TIAM2: variants seen among roughly 807,000 people sequenced by gnomAD.
TIAM2 encodes the protein rho guanine nucleotide exchange factor TIAM2.
TIAM2 carries 80 observed loss-of-function variants against 152.9 expected under a neutral mutation model. That is an observed-to-expected ratio of 0.52 (90% confidence interval 0.44 to 0.63). TIAM2 has a LOEUF of 0.63. TIAM2 is among the 30% of genes least tolerant of loss of function. The probability of loss-of-function intolerance (pLI) is 0.00; values close to 1 mark genes in which losing one functional copy is unlikely to be tolerated. For synonymous variants in TIAM2, 804 were observed against 838.0 expected, an observed-to-expected ratio of 0.96 and a Z score of 0.70; for missense variants, 1,965 against 2,120.1, an observed-to-expected ratio of 0.93 and a Z score of 1.44.
chr6:155,244,743 C>A lies in TIAM2; in HGVS notation c.3503C>A (p.Ser1168Ter). 6.2e-7 allele frequency: 1 copy of A among 1,613,924 alleles called. No homozygotes were observed. Among genetic ancestry groups the A allele is most frequent in the Non-Finnish European group, 8.5e-7 (1 of 1,179,894 alleles). Residue 1168 changes from serine to a stop codon, truncating the protein, a stop_gained, in exon 18 of 27, where the codon TCA becomes TAA. Coordinates refer to ENST00000682666, the MANE Select transcript of TIAM2 (RefSeq NM_012454.4). LOFTEE classifies it high-confidence loss of function. ...LETLEDGISA[S>*]SDFNTLETPS... ...ACCCTGGAGGATGGGATTTCAGCAT[C>A]ATCTGACTTTAACACCCTAGAAACC...
chr6:155,028,221 C>T (rs993538068), intron 1 of TIAM2, among the ~76,000 whole-genome samples: 3 of 125,426 alleles, frequency 2.4e-5, no homozygotes, highest in East Asian at 2.2e-4. Context: ...TACTGTGTTA[C>T]ATATATACTA....
rs1254574468 is a variant in TIAM2, at chr6:155,110,318, C to CTTTTCTTTT, written c.-117-17168_-117-17167insCTTTTTTTT. On this transcript the variant is annotated intron_variant, in intron 2 of 26. Coordinates refer to ENST00000682666, the MANE Select transcript of TIAM2 (RefSeq NM_012454.4). ...TCCTTCTTCCTTTCCTCTTTCTTTT[C>CTTTTCTTTT]TTTTTTTTTTTGTTGTTCTTTCTTT... Among the ~76,000 whole-genome samples the CTTTTCTTTT allele has an allele frequency of 6.7e-4, 90 of 133,808 alleles. 2 individuals carry two copies. The highest frequency in any genetic ancestry group is 2.2e-3 in the African/African-American group (81 of 36,008). The allele number at this position is 133,808 out of a possible 152,430, so 87.8% of individuals were successfully genotyped here.
At chr6:155,049,052 C>T (rs976567138) in intron 1 of TIAM2, among the ~76,000 whole-genome samples, 7 of 152,078 alleles carry the variant, frequency 4.6e-5, no homozygotes, top group Non-Finnish European at 8.8e-5. Context: ...CCGCCCGTCT[C>T]GGACTCCCAA....
Position 155,198,400 on chromosome 6 carries a change from C to T in TIAM2, c.3065-12804C>T, listed in dbSNP as rs1212814171. On this transcript the variant is annotated intron_variant, in intron 14 of 26. Coordinates refer to ENST00000682666, the MANE Select transcript of TIAM2 (RefSeq NM_012454.4). Reference sequence around the variant, plus strand: ...TAATGAGGCCGGGCGTGGTGGCTCACGCCTGTAATCCCAGCACTTTGGGAA... The same window carrying T: ...TAATGAGGCCGGGCGTGGTGGCTCATGCCTGTAATCCCAGCACTTTGGGAA... Among the ~76,000 whole-genome samples, 5 of 152,140 alleles carry T rather than the reference C, an allele frequency of 3.3e-5. No homozygotes were observed. The East Asian group carries it at 7.7e-4, about 23-fold the overall frequency.
At chr6:155,198,388 C>T (rs534264971) in intron 14 of TIAM2, among the ~76,000 whole-genome samples, 154 of 152,264 alleles carry the variant, frequency 1.0e-3, no homozygotes, top group African/African-American at 3.4e-3. Flanking sequence ...TGAGGCCGGG[C>T]GTGGTGGCTC....
intron 1 of TIAM2, among the ~76,000 whole-genome samples, chr6:155,050,127 A>C (rs6905978): frequency 0.46 from 69,158 of 151,954 alleles, 15,975 homozygotes; most frequent in Middle Eastern, 0.49. Context: ...TTTTTTCAAT[A>C]ATTGATTTTG....
chr6:155,189,187 G>A (rs1242556366), intron 14 of TIAM2, among the ~76,000 whole-genome samples: 1 of 152,216 alleles, frequency 6.6e-6, no homozygotes, highest in African/African-American at 2.4e-5. Flanking sequence ...GTTTATGAGA[G>A]TGAGGGCATT....
intron 14 of TIAM2, among the ~76,000 whole-genome samples, chr6:155,190,932 T>C (rs1781186531): frequency 6.6e-6 from 1 of 152,232 alleles, no homozygotes; most frequent in African/African-American, 2.4e-5. Context: ...CCTCCTTCTT[T>C]TGTAAGGGGC....
chr6:155,073,422 C>T (rs942699359), intron 1 of TIAM2, among the ~76,000 whole-genome samples: 4 of 152,118 alleles, frequency 2.6e-5, no homozygotes, highest in African/African-American at 7.2e-5. Context: ...CTCGGCCTCC[C>T]AAAGTGCTGG....
chr6:155,018,132 G>C (rs1778629545), intron 1 of TIAM2, among the ~76,000 whole-genome samples: 1 of 151,902 alleles, frequency 6.6e-6, no homozygotes, highest in Admixed American at 6.6e-5. Flanking sequence ...TAGCACTTTG[G>C]AGGGCTGAGG....
intron 14 of TIAM2, among the ~76,000 whole-genome samples, chr6:155,209,030 G>A (rs1033599908): frequency 6.6e-6 from 1 of 151,838 alleles, no homozygotes; most frequent in African/African-American, 2.4e-5. Flanking sequence ...ATATTCCTTC[G>A]ACATAAAGGC....
intron 1 of TIAM2, among the ~76,000 whole-genome samples, chr6:155,051,413 T>C (rs1345091500): frequency 1.3e-5 from 2 of 152,218 alleles, no homozygotes; most frequent in Admixed American, 1.3e-4. Flanking sequence ...TTGAATCTTT[T>C]AAACATTTCA....
rs150471032 is a variant in TIAM2, at chr6:155,060,936, T to G, written c.-208-29353T>G. On this transcript the variant is annotated intron_variant, in intron 1 of 26. Coordinates refer to ENST00000682666, the MANE Select transcript of TIAM2 (RefSeq NM_012454.4). ...AAAACAAAATCCCACAAAAGCACTT[T>G]TGGGCTAGCTCTTGTGTTCTTTTAG... Among the ~76,000 whole-genome samples, 150 of 151,942 alleles carry G rather than the reference T, an allele frequency of 9.9e-4. 1 individual carries two copies. Among genetic ancestry groups the G allele is most frequent in the Non-Finnish European group, 3.8e-4 (26 of 67,984 alleles).
chr6:155,108,615 CCT>C (rs968924181), intron 2 of TIAM2, among the ~76,000 whole-genome samples: 1 of 152,104 alleles, frequency 6.6e-6, no homozygotes, highest in Admixed American at 6.5e-5. Flanking sequence ...TTTCCAAAGC[CCT>C]CTCATTAGAT....
intron 9 of TIAM2, among the ~76,000 whole-genome samples, chr6:155,176,222 A>G (rs1028486554): frequency 2.0e-5 from 3 of 152,092 alleles, no homozygotes; most frequent in African/African-American, 4.8e-5. Flanking sequence ...CAGCCCTTAC[A>G]TGGATTGCGG....
At chr6:155,177,696 G>A (rs1324673632) in intron 10 of TIAM2, among the ~76,000 whole-genome samples, 1 of 152,158 alleles carries the variant, frequency 6.6e-6, no homozygotes, top group East Asian at 1.9e-4. Context: ...TTTAATTTTA[G>A]TCCCCCTTTT....
intron 7 of TIAM2, among the ~76,000 whole-genome samples, chr6:155,158,786 T>G (rs1273383751): frequency 6.6e-6 from 1 of 151,738 alleles, no homozygotes; most frequent in African/African-American, 2.4e-5. Flanking sequence ...TGTTTTTTTT[T>G]TTCTTTTTAT....
intron 2 of TIAM2, among the ~76,000 whole-genome samples, chr6:155,097,130 G>A (rs924210724): frequency 6.6e-6 from 1 of 152,054 alleles, no homozygotes; most frequent in South Asian, 2.1e-4. Flanking sequence ...TCATGTACCT[G>A]TTGGCCATTT....
chr6:155,228,831 C>T (rs1782344114), intron 15 of TIAM2, among the ~76,000 whole-genome samples: 1 of 152,192 alleles, frequency 6.6e-6, no homozygotes, highest in South Asian at 2.1e-4. Context: ...GCACCAGCTG[C>T]TCAGTTGCTC....
Sources: allele counts gnomAD v4.1 joint callset (sites outside exome capture counted in the v4.1 genomes callset), GRCh38; gene constraint gnomAD v4.1.1; transcripts MANE v1.5; gene names NCBI Gene and HGNC (gene_info 2026-07-23, HGNC 2026-07-21).